PHLDB2: variants seen among roughly 807,000 people sequenced by gnomAD.
The protein encoded by PHLDB2 is pleckstrin homology-like domain family B member 2.
Under a neutral mutation model 123.6 loss-of-function variants are expected in PHLDB2, and 71 were observed. The observed-to-expected ratio is 0.57, with a 90% CI of 0.47 to 0.70. PHLDB2 has a LOEUF of 0.70. Among genes scored for constraint, PHLDB2 ranks in the 30% least tolerant of loss-of-function variants. The probability of loss-of-function intolerance (pLI) is 0.00; values close to 1 mark genes in which losing one functional copy is unlikely to be tolerated. For missense variants in PHLDB2, 1,446 were observed against 1,519.5 expected, an observed-to-expected ratio of 0.95 and a Z score of 0.80; for synonymous variants, 547 against 541.6, an observed-to-expected ratio of 1.01 and a Z score of -0.14.
chr3:111,885,298 T>G lies in PHLDB2; in HGVS notation c.1221T>G (p.Pro407=). The change falls in exon 2 of 18, where the codon CCT becomes CCG. Residue 407 remains proline, a synonymous_variant. Transcript: ENST00000431670. The stretch of plus-strand genomic sequence containing the variant: ...GACAGGCCTCAGGAACCCCCCAGCC[T>G]GCCCTTCGGGAACGGAAAAGCAGTA... ...SLRQASGTPQ[P]ALRERKSSIS... 1 of 1,614,160 alleles carries G rather than the reference T, an allele frequency of 6.2e-7. No homozygotes were observed. Among genetic ancestry groups the G allele is most frequent in the Non-Finnish European group, 8.5e-7 (1 of 1,180,022 alleles).
intron 1 of PHLDB2, among the ~76,000 whole-genome samples, chr3:111,843,040 C>T (rs2063763644): frequency 6.6e-6 from 1 of 152,150 alleles, no homozygotes; most frequent in Non-Finnish European, 1.5e-5. Flanking sequence ...TTTGCTATTA[C>T]AAATAACGAC....
At chr3:111,883,463 T>C (rs866788198) in intron 1 of PHLDB2, among the ~76,000 whole-genome samples, 5 of 152,242 alleles carry the variant, frequency 3.3e-5, no homozygotes, top group African/African-American at 1.2e-4. Flanking sequence ...AATACCCTTT[T>C]CTTTGTTATT....
chr3:111,780,167 G>T (rs2060351663), intron 1 of PHLDB2, among the ~76,000 whole-genome samples: 1 of 150,796 alleles, frequency 6.6e-6, no homozygotes, highest in Non-Finnish European at 1.5e-5. Flanking sequence ...ACCACATTGA[G>T]AGGTGACCTT....
chr3:111,737,866 C>T (rs977465657), intron 1 of PHLDB2, among the ~76,000 whole-genome samples: 5 of 152,144 alleles, frequency 3.3e-5, no homozygotes, highest in East Asian at 3.9e-4. Context: ...TGATGGCTTT[C>T]GTCCATGGGG....
At chr3:111,927,476 G>A (rs769639827) in intron 5 of PHLDB2, among the ~76,000 whole-genome samples, 1 of 152,166 alleles carries the variant, frequency 6.6e-6, no homozygotes. Flanking sequence ...AATGTGGCCC[G>A]CGTGCCTAGA....
intron 6 of PHLDB2, among the ~76,000 whole-genome samples, chr3:111,938,633 C>T (rs997946533): frequency 6.6e-6 from 1 of 151,948 alleles, no homozygotes; most frequent in Non-Finnish European, 1.5e-5. Flanking sequence ...TTTTTTTCTG[C>T]ACAGTCCAGC....
intron 1 of PHLDB2, among the ~76,000 whole-genome samples, chr3:111,794,687 T>G (rs746078901): frequency 8.3e-4 from 127 of 152,338 alleles, no homozygotes; most frequent in African/African-American, 2.8e-3. Flanking sequence ...CTAAATTGCT[T>G]TATAAGGCTA....
In PHLDB2 at chr3:111,853,604, G is replaced by A. The variant is rs959185446; in HGVS notation, c.67+7669G>A. ...ATAAAATGTGAGTTCAGCCAGGTGC[G>A]GTGGCTCACACCTGTAATCCCAGCA... is the stretch of plus-strand genomic sequence containing the variant. On this transcript the variant is annotated intron_variant, in intron 2 of 17. Transcript: ENST00000393923. 5.3e-5 allele frequency among the ~76,000 whole-genome samples: 8 copies of A among 152,208 alleles called. No individual in the cohort carries two copies. In the East Asian group the frequency reaches 5.8e-4, roughly 11 times the overall value.
chr3:111,838,437 A>C (rs1179135353), intron 1 of PHLDB2, among the ~76,000 whole-genome samples: 1 of 152,208 alleles, frequency 6.6e-6, no homozygotes, highest in African/African-American at 2.4e-5. Context: ...GAATGATAGC[A>C]AATCCAATAA....
chr3:111,838,573 A>T (rs751735401), intron 1 of PHLDB2, among the ~76,000 whole-genome samples: 17 of 152,228 alleles, frequency 1.1e-4, no homozygotes, highest in Non-Finnish European at 2.1e-4. Flanking sequence ...TTTGATTACC[A>T]TAAAAATATA....
chr3:111,826,004 A>G (rs1221063359), intron 1 of PHLDB2, among the ~76,000 whole-genome samples: 1 of 151,992 alleles, frequency 6.6e-6, no homozygotes, highest in Non-Finnish European at 1.5e-5. Context: ...ATTTATTATT[A>G]TTAATATTAT....
chr3:111,931,786 C>A (rs1460237253), intron 5 of PHLDB2, among the ~76,000 whole-genome samples: 1 of 152,216 alleles, frequency 6.6e-6, no homozygotes, highest in African/African-American at 2.4e-5. Context: ...ATTCCTCTAA[C>A]CTGAGAACAA....
At chr3:111,804,601 G>T (rs2061501651) in intron 1 of PHLDB2, among the ~76,000 whole-genome samples, 1 of 152,160 alleles carries the variant, frequency 6.6e-6, no homozygotes, top group South Asian at 2.1e-4. Context: ...CAAAAAATTA[G>T]TCCCACATCA....
At chr3:111,770,841 A>G (rs1299902400) in intron 1 of PHLDB2, among the ~76,000 whole-genome samples, 13 of 152,230 alleles carry the variant, frequency 8.5e-5, no homozygotes, top group Non-Finnish European at 1.2e-4. Flanking sequence ...TAAAAATCCT[A>G]GTCCCAGAGG....
intron 5 of PHLDB2, among the ~76,000 whole-genome samples, chr3:111,922,338 A>G (rs2068568504): frequency 6.6e-6 from 1 of 152,202 alleles, no homozygotes; most frequent in Non-Finnish European, 1.5e-5. Context: ...CTCACTTCCC[A>G]GGGAAAGTTA....
intron 2 of PHLDB2, among the ~76,000 whole-genome samples, chr3:111,909,418 A>G (rs1442191468): frequency 6.6e-6 from 1 of 152,152 alleles, no homozygotes; most frequent in Non-Finnish European, 1.5e-5. Flanking sequence ...CAACATAGCA[A>G]GATGCCATCT....
At chr3:111,910,181 CT>C (rs1559898265) in intron 2 of PHLDB2, among the ~76,000 whole-genome samples, 1 of 152,170 alleles carries the variant, frequency 6.6e-6, no homozygotes, top group Non-Finnish European at 1.5e-5. Context: ...ACACAATTTT[CT>C]TTACGTATAC....
At position 111,884,189 on chromosome 3, in the gene PHLDB2, C is replaced by G. The variant is rs373363961; in HGVS notation, c.112C>G (p.Leu38Val). The G allele has an allele frequency of 8.1e-5, 130 of 1,614,180 alleles. 1 individual carries two copies. In the South Asian group the frequency reaches 1.3e-3, roughly 17 times the overall value. Residue 38 changes from leucine to valine, a missense_variant, in exon 2 of 18, where the codon CTC becomes GTC. By Grantham distance (32) the Leu-to-Val change is conservative (BLOSUM62 1). Around this residue, in one of 3 missense-constraint regions of PHLDB2, gnomAD observed 832 missense variants for 831.9 expected, o/e 1.00. Coordinates refer to ENST00000431670, the MANE Select transcript of PHLDB2 (RefSeq NM_001134438.2). ...ENDSQNMMES[L>V]SPKKYSSSLR... ...CGATTCCCAAAACATGATGGAGAGC[C>G]TCAGCCCAAAGAAATACTCTTCCAG...
intron 1 of PHLDB2, among the ~76,000 whole-genome samples, chr3:111,814,628 T>TAAAA (rs35877984): frequency 7.0e-6 from 1 of 142,136 alleles, no homozygotes; most frequent in Non-Finnish European, 1.5e-5. Flanking sequence ...AGTATTTATT[T>TAAAA]AAAAAAAAAA....
Sources: allele counts gnomAD v4.1 joint callset (sites outside exome capture counted in the v4.1 genomes callset), GRCh38; gene constraint gnomAD v4.1.1; regional missense constraint gnomAD v4.1.1; transcripts MANE v1.5; gene names NCBI Gene and HGNC (gene_info 2026-07-23, HGNC 2026-07-21).